NBEA: variants seen among roughly 807,000 people sequenced by gnomAD.
NBEA encodes lysosomal-trafficking regulator 2.
In NBEA, 44 loss-of-function variants were observed where a neutral mutation model predicts 343.4. The observed-to-expected ratio is 0.13, with a 90% CI of 0.10 to 0.16. NBEA has a LOEUF of 0.16. NBEA is among the 10% of genes least tolerant of loss of function. The pLI is 1.00. For missense variants in NBEA, 2,555 were observed against 3,631.3 expected (o/e 0.70, Z 7.62); for synonymous variants, 1,175 against 1,238.7 (o/e 0.95, Z 1.08).
intron 48 of NBEA, among the ~76,000 whole-genome samples, chr13:35,612,667 C>A (rs534264452): frequency 6.6e-6 from 1 of 152,032 alleles, no homozygotes; most frequent in East Asian, 1.9e-4. Flanking sequence ...AAGACAAATC[C>A]CCTAGACAGT....
At chr13:35,262,458 T>A (rs1262507658) in intron 34 of NBEA, among the ~76,000 whole-genome samples, 1 of 152,302 alleles carries the variant, frequency 6.6e-6, no homozygotes, top group East Asian at 1.9e-4. Flanking sequence ...AAACCATGAT[T>A]TAAACACAGG....
intron 46 of NBEA, 27 bp from the exon 47 acceptor site, chr13:35,593,301 A>C: frequency 6.2e-7 from 1 of 1,610,388 alleles, no homozygotes; most frequent in Non-Finnish European, 8.5e-7. Flanking sequence ...AGAGTGGTCA[A>C]ATTTCTGATT....
intron 38 of NBEA, among the ~76,000 whole-genome samples, chr13:35,407,908 A>G (rs1223608831): frequency 2.6e-5 from 4 of 152,238 alleles, no homozygotes; most frequent in Non-Finnish European, 5.9e-5. Flanking sequence ...GATAGGAAGA[A>G]TCAATATCAT....
intron 38 of NBEA, among the ~76,000 whole-genome samples, chr13:35,387,627 T>G (rs1441936451): frequency 6.6e-6 from 1 of 152,144 alleles, no homozygotes; most frequent in African/African-American, 2.4e-5. Flanking sequence ...TGGGGTAGAC[T>G]TCAGTGACAG....
intron 41 of NBEA, among the ~76,000 whole-genome samples, chr13:35,478,045 C>G (rs560132401): frequency 6.6e-6 from 1 of 152,158 alleles, no homozygotes; most frequent in East Asian, 1.9e-4. Flanking sequence ...AGAATATTTC[C>G]CGTCAAATCC....
chr13:35,492,180 T>G (rs532117519), intron 41 of NBEA, among the ~76,000 whole-genome samples: 2 of 151,796 alleles, frequency 1.3e-5, no homozygotes, highest in Non-Finnish European at 2.9e-5. Context: ...ACAGTGGAGT[T>G]TGGGAACTCA....
At position 34,957,825 on chromosome 13, in the gene NBEA, G is replaced by A. The variant is rs117922708; in HGVS notation, c.294+14711G>A. ...TCCTAGCTAATCTTAAATAACTTAC[G>A]CAAGACTTATCAGCCATGGATATAT... On this transcript the variant is annotated intron_variant, in intron 1 of 58. Coordinates refer to ENST00000379939, the MANE Select transcript of NBEA (RefSeq NM_001385012.1). Among the ~76,000 whole-genome samples, 126 of 151,844 alleles carry A rather than the reference G, an allele frequency of 8.3e-4. 2 individuals carry two copies. In the East Asian group the frequency reaches 0.021, roughly 25 times the overall value.
At chr13:35,386,262 G>A (rs2042239221) in intron 38 of NBEA, among the ~76,000 whole-genome samples, 1 of 152,034 alleles carries the variant, frequency 6.6e-6, no homozygotes, top group African/African-American at 2.4e-5. Context: ...ATATATTGAT[G>A]TTCTACTTTA....
chr13:35,131,666 A>G (rs1215044470), intron 17 of NBEA, among the ~76,000 whole-genome samples: 1 of 152,174 alleles, frequency 6.6e-6, no homozygotes, highest in Non-Finnish European at 1.5e-5. Context: ...CCTGTTTGAC[A>G]TCCTATTGGG....
chr13:35,217,946 T>A (rs2074154741), intron 33 of NBEA, among the ~76,000 whole-genome samples: 1 of 152,098 alleles, frequency 6.6e-6, no homozygotes, highest in Admixed American at 6.6e-5. Context: ...TTTGGGAAAT[T>A]TTTTTCTTCA....
intron 48 of NBEA, among the ~76,000 whole-genome samples, chr13:35,621,869 G>T (rs1298740360): frequency 2.0e-5 from 3 of 152,174 alleles, no homozygotes; most frequent in African/African-American, 4.8e-5. Flanking sequence ...TCTTCAAAAG[G>T]CTTACATTCT....
chr13:35,607,949 C>A (rs2082348077), intron 48 of NBEA, among the ~76,000 whole-genome samples: 1 of 152,132 alleles, frequency 6.6e-6, no homozygotes. Flanking sequence ...ATTGATTTGA[C>A]TATTCTAGAC....
At chr13:35,657,700 G>A (rs921533900) in intron 55 of NBEA, among the ~76,000 whole-genome samples, 1 of 152,074 alleles carries the variant, frequency 6.6e-6, no homozygotes, top group Non-Finnish European at 1.5e-5. Flanking sequence ...GTTTAATTAA[G>A]CAGCAGGTCT....
intron 38 of NBEA, among the ~76,000 whole-genome samples, chr13:35,414,572 A>G (rs1222805746): frequency 3.3e-5 from 5 of 152,134 alleles, no homozygotes; most frequent in Admixed American, 6.5e-5. Flanking sequence ...ATCCTTTTCT[A>G]TGGCTGCATA....
At chr13:35,160,340 A>G (rs1347861493) in intron 22 of NBEA, among the ~76,000 whole-genome samples, 1 of 152,076 alleles carries the variant, frequency 6.6e-6, no homozygotes, top group South Asian at 2.1e-4. Flanking sequence ...CAGTTCTAAC[A>G]TTTTATAACT....
At chr13:35,173,374 G>T in intron 26 of NBEA, 90 bp from the exon 27 acceptor site, 1 of 1,166,254 alleles carries the variant, frequency 8.6e-7, no homozygotes, top group Non-Finnish European at 1.2e-6. Flanking sequence ...CAAGGGGAAA[G>T]AAAGGGAAGA....
chr13:35,301,132 T>A (rs182683172), intron 35 of NBEA, among the ~76,000 whole-genome samples: 1 of 152,222 alleles, frequency 6.6e-6, no homozygotes, highest in East Asian at 1.9e-4. Context: ...TAAACTTCTG[T>A]TTTCTTCATT....
chr13:35,458,451 A>G (rs1197658853), intron 40 of NBEA, among the ~76,000 whole-genome samples: 1 of 152,228 alleles, frequency 6.6e-6, no homozygotes, highest in African/African-American at 2.4e-5. Flanking sequence ...TAAAAATGTT[A>G]TGTAGGTAAA....
chr13:34,988,443 GGTCCACCC>G (rs746078233), intron 1 of NBEA, among the ~76,000 whole-genome samples: 4 of 151,112 alleles, frequency 2.6e-5, no homozygotes, highest in Non-Finnish European at 5.9e-5. Context: ...GCTGTGGTGG[GGTCCACCC>G]AGTTCGAGCT....
Sources: allele counts gnomAD v4.1 joint callset (sites outside exome capture counted in the v4.1 genomes callset), GRCh38; gene constraint gnomAD v4.1.1; transcripts MANE v1.5; gene names NCBI Gene and HGNC (gene_info 2026-07-23, HGNC 2026-07-21).